Variants in NPSR1 observed in about 807,000 individuals in gnomAD.
The protein encoded by NPSR1 is neuropeptide S receptor 1.
A neutral mutation model predicts 46.9 loss-of-function variants in NPSR1; 48 were observed. That is an observed-to-expected ratio of 1.02 (90% CI 0.81 to 1.30). NPSR1 has a LOEUF of 1.30. NPSR1 is among the 50% of genes most tolerant of loss of function. NPSR1 has a pLI of 0.00. For synonymous variants in NPSR1, 176 were observed against 168.1 expected (o/e 1.05, Z -0.36); for missense variants, 450 against 449.5 (o/e 1.00, Z -0.01).
chr7:34,674,072 G>C (rs370721825), intron 1 of NPSR1, among the ~76,000 whole-genome samples: 1 of 152,152 alleles, frequency 6.6e-6, no homozygotes, highest in Non-Finnish European at 1.5e-5. Context: ...GGCTGTCAGG[G>C]AGAAAAATGG....
intron 3 of NPSR1, among the ~76,000 whole-genome samples, chr7:34,803,159 C>T (rs1315097082): frequency 5.3e-5 from 8 of 151,488 alleles, no homozygotes; most frequent in African/African-American, 1.7e-4. Flanking sequence ...GTCAGTGTGG[C>T]GATTCCTCAG....
chr7:34,766,628 A>AGTGGCGCAACCTCAGCTT (rs1786445315), intron 2 of NPSR1, among the ~76,000 whole-genome samples: 2 of 151,662 alleles, frequency 1.3e-5, no homozygotes, highest in Non-Finnish European at 2.9e-5. Flanking sequence ...GCTGGAGTGC[A>AGTGGCGCAACCTCAGCTT]GTGGCGCAAC....
Position 34,658,485 on chromosome 7 carries a change from G to T in NPSR1, c.73G>T (p.Ala25Ser). The T allele has an allele frequency of 6.2e-7, 1 of 1,614,142 alleles. No individual in the cohort carries two copies. Among genetic ancestry groups the T allele is most frequent in the Non-Finnish European group, 8.5e-7 (1 of 1,179,972 alleles). ...TGQTLDSSPV[A>S]CTETVTFTEV... ...GCAGACGCTGGATTCTTCCCCAGTG[G>T]CTTGCACTGAAACAGTGACTTTTAC... The change falls in exon 1 of 9, where the codon GCT becomes TCT. Residue 25 changes from alanine to serine, a missense_variant. Coordinates refer to ENST00000360581, the MANE Select transcript of NPSR1 (RefSeq NM_207172.2).
chr7:34,859,364 A>T (rs1047966979), intron 8 of NPSR1, among the ~76,000 whole-genome samples: 1 of 151,600 alleles, frequency 6.6e-6, no homozygotes, highest in African/African-American at 2.4e-5. Flanking sequence ...GTATTCATCC[A>T]AAGAGTCTCC....
chr7:34,820,887 T>C (rs62462954), intron 4 of NPSR1, among the ~76,000 whole-genome samples: 12,385 of 152,202 alleles, frequency 0.081, 607 homozygotes, highest in East Asian at 0.12. Flanking sequence ...GGGAAACTTT[T>C]AGGTTTCCTC....
intron 1 of NPSR1, among the ~76,000 whole-genome samples, chr7:34,670,154 G>T (rs1791974642): frequency 6.6e-6 from 1 of 152,070 alleles, no homozygotes; most frequent in South Asian, 2.1e-4. Context: ...GGTGAGAAAA[G>T]CTCAGAAATT....
chr7:34,869,323 A>G (rs1791395351), intron 8 of NPSR1, among the ~76,000 whole-genome samples: 1 of 151,854 alleles, frequency 6.6e-6, no homozygotes, highest in South Asian at 2.1e-4. Flanking sequence ...ATAAAGGCCC[A>G]GTCATTCACA....
intron 2 of NPSR1, chr7:34,753,838 C>CA (rs1187278411): frequency 6.6e-6 from 1 of 151,604 alleles, no homozygotes; most frequent in Non-Finnish European, 1.5e-5. Flanking sequence ...CCTGTCTCTA[C>CA]AAAAATAAAA....
At chr7:34,869,597 C>A (rs541056371) in intron 8 of NPSR1, among the ~76,000 whole-genome samples, 2 of 151,766 alleles carry the variant, frequency 1.3e-5, no homozygotes, top group Non-Finnish European at 2.9e-5. Flanking sequence ...ACTTCCTATA[C>A]CCTTGGGGCG....
chr7:34,855,226 G>A (rs1791025232), intron 8 of NPSR1, among the ~76,000 whole-genome samples: 1 of 151,304 alleles, frequency 6.6e-6, no homozygotes, highest in Non-Finnish European at 1.5e-5. Flanking sequence ...TAAACTCAAG[G>A]GAAGTAGAAA....
chr7:34,716,943 G>A (rs1234217011), intron 2 of NPSR1, among the ~76,000 whole-genome samples: 1 of 152,182 alleles, frequency 6.6e-6, no homozygotes, highest in Non-Finnish European at 1.5e-5. Flanking sequence ...CTCTGCTAAT[G>A]AGTGCTTCCC....
intron 5 of NPSR1, among the ~76,000 whole-genome samples, chr7:34,831,490 G>C (rs186912801): frequency 6.6e-6 from 1 of 152,242 alleles, no homozygotes; most frequent in East Asian, 1.9e-4. Context: ...AAGGGAGGGA[G>C]GGAAAGAGAG....
At position 34,664,507 on chromosome 7, in the gene NPSR1, G is replaced by A. The variant is rs574630719; in HGVS notation, c.147+5948G>A. Among the ~76,000 whole-genome samples, 12 of 152,198 alleles carry A rather than the reference G, an allele frequency of 7.9e-5. No individual in the cohort carries two copies. The East Asian group carries it at 1.7e-3, about 22-fold the overall frequency. Reference sequence around the variant, plus strand: ...GCATTAGCTGTAAGGAAGAAGTTTCGGAAGATGCTGAGAGAGACCACTGCA... The same window carrying A: ...GCATTAGCTGTAAGGAAGAAGTTTCAGAAGATGCTGAGAGAGACCACTGCA... On this transcript the variant is annotated intron_variant, in intron 1 of 8. Coordinates refer to ENST00000360581, the MANE Select transcript of NPSR1 (RefSeq NM_207172.2).
rs369040738 is a variant in NPSR1, at chr7:34,684,642, A to T, written c.238A>T (p.Lys80Ter). The T allele has an allele frequency of 1.9e-6, 3 of 1,613,650 alleles. No individual in the cohort carries two copies. Among genetic ancestry groups the T allele is most frequent in the African/African-American group, 2.7e-5 (2 of 74,914 alleles). Residue 80 changes from lysine (K) to a stop codon, truncating the protein, a stop_gained, in exon 2 of 9, where the codon AAG becomes TAG. Transcript: ENST00000360581. LOFTEE classifies it high-confidence loss of function. ...VLFSTWRRKK[K>*]SRMTFFVTQL... ...TTTTTCCACATGGAGGAGAAAGAAG[A>T]AGTCAAGAATGACCTTCTTTGTGAC...
At chr7:34,687,241 C>T (rs554849194) in intron 2 of NPSR1, among the ~76,000 whole-genome samples, 1 of 151,400 alleles carries the variant, frequency 6.6e-6, no homozygotes, top group South Asian at 2.1e-4. Flanking sequence ...AAGAAAAATA[C>T]ACATTCATAT....
At chr7:34,876,721 G>A (rs112084326) in intron 8 of NPSR1, among the ~76,000 whole-genome samples, 33,740 of 152,212 alleles carry the variant, frequency 0.22, 5,002 homozygotes, top group East Asian at 0.58. Flanking sequence ...CAGGAGGTCC[G>A]AGAAGGACCT....
rs1345653571 is a variant in NPSR1, at chr7:34,811,769, G to T, written c.385-1G>T. ...AAGCTTCCTCTCATTTCTGTCTTTA[G>T]GTTGTGCTGCTCTACGCCTCTACCT... On this transcript the variant is annotated splice_acceptor_variant, in intron 3 of 8. Transcript: ENST00000360581. LOFTEE classifies it high-confidence loss of function. 1.2e-6 allele frequency: 2 copies of T among 1,606,194 alleles called. No homozygotes were observed. Among genetic ancestry groups the T allele is most frequent in the Non-Finnish European group, 1.7e-6 (2 of 1,175,322 alleles).
At chr7:34,806,894 T>A (rs544244790) in intron 3 of NPSR1, among the ~76,000 whole-genome samples, 1 of 152,254 alleles carries the variant, frequency 6.6e-6, no homozygotes, top group East Asian at 1.9e-4. Flanking sequence ...AAAATTTCTC[T>A]GTTTCCAGCA....
intron 2 of NPSR1, among the ~76,000 whole-genome samples, chr7:34,695,178 C>A (rs1382379612): frequency 6.6e-6 from 1 of 152,132 alleles, no homozygotes; most frequent in Non-Finnish European, 1.5e-5. Flanking sequence ...CTGCAACCAA[C>A]CCATCTTTAA....
Sources: gnomAD v4.1 joint callset for allele counts (sites outside exome capture counted in the v4.1 genomes callset) on GRCh38, gnomAD v4.1.1 for gene constraint, MANE v1.5 for transcripts, NCBI Gene and HGNC (gene_info 2026-07-23, HGNC 2026-07-21) for gene names.